CLVS1: variants seen among roughly 807,000 people sequenced by gnomAD.
CLVS1 encodes clavesin-1.
In CLVS1, 10 loss-of-function variants were observed where a neutral mutation model predicts 33.1. The observed-to-expected ratio is 0.30, with a 90% CI of 0.19 to 0.51. The LOEUF (loss-of-function observed/expected upper bound fraction) is 0.51, where lower values mean the gene tolerates loss of function less well. Ranked by LOEUF, CLVS1 falls within the 20% of genes least tolerant of loss-of-function variation. The pLI is 0.97. For synonymous variants in CLVS1, 163 were observed against 166.1 expected (o/e 0.98, Z 0.14); for missense variants, 343 against 433.4 (o/e 0.79, Z 1.85).
intron 2 of CLVS1, among the ~76,000 whole-genome samples, chr8:61,329,776 T>C (rs1304916833): frequency 1.3e-5 from 2 of 152,210 alleles, no homozygotes; most frequent in Non-Finnish European, 2.9e-5. Context: ...TTTTAAATGT[T>C]CCTTTAAGTA....
At position 61,356,635 on chromosome 8, in the gene CLVS1, T is replaced by C. The variant is rs557778204; in HGVS notation, c.456-19970T>C. ...TCCAGTTTCAGCTTTCTACATATGGTTAGCCAGTTTTCCCAGCACCATTTA... is the reference window on the plus strand; with the variant it reads ...TCCAGTTTCAGCTTTCTACATATGGCTAGCCAGTTTTCCCAGCACCATTTA... On this transcript the variant is annotated intron_variant, in intron 2 of 5. Transcript: ENST00000325897. Among the ~76,000 whole-genome samples, 295 of 152,172 alleles carry C rather than the reference T, an allele frequency of 1.9e-3. 1 individual carries two copies. The highest frequency in any genetic ancestry group is 6.6e-3 in the African/African-American group (273 of 41,522).
At chr8:61,250,061 A>T (rs1306419846) in intron 2 of CLVS1, among the ~76,000 whole-genome samples, 1 of 152,144 alleles carries the variant, frequency 6.6e-6, no homozygotes, top group East Asian at 1.9e-4. Flanking sequence ...CTTACATTTA[A>T]GTCTTTAATC....
intron 2 of CLVS1, among the ~76,000 whole-genome samples, chr8:61,273,572 G>A (rs191351081): frequency 1.3e-5 from 2 of 152,204 alleles, no homozygotes; most frequent in Admixed American, 6.5e-5. Flanking sequence ...GGGCAATGGC[G>A]GGCGCCCCTC....
chr8:61,463,944 G>T (rs1343105625), intron 5 of CLVS1, among the ~76,000 whole-genome samples: 4 of 151,716 alleles, frequency 2.6e-5, no homozygotes, highest in African/African-American at 7.3e-5. Flanking sequence ...TTTGCGGTGG[G>T]TGCCTATAGT....
chr8:61,328,803 C>T (rs534280091), intron 2 of CLVS1, among the ~76,000 whole-genome samples: 168 of 152,222 alleles, frequency 1.1e-3, no homozygotes, highest in African/African-American at 3.8e-3. Flanking sequence ...TTATTAACTC[C>T]CCTCTATCCT....
chr8:61,184,492 G>T (rs1162241771), intron 2 of CLVS1, among the ~76,000 whole-genome samples: 1 of 152,174 alleles, frequency 6.6e-6, no homozygotes, highest in East Asian at 1.9e-4. Context: ...ACTTCAATTC[G>T]TTTTATGTGG....
chr8:61,477,475 A>T (rs1357224885), intron 5 of CLVS1, among the ~76,000 whole-genome samples: 1 of 152,174 alleles, frequency 6.6e-6, no homozygotes, highest in African/African-American at 2.4e-5. Context: ...CTCAATTCAG[A>T]GCCTGTTATT....
chr8:61,179,453 G>C (rs1807188255), intron 2 of CLVS1, among the ~76,000 whole-genome samples: 1 of 152,106 alleles, frequency 6.6e-6, no homozygotes, highest in East Asian at 1.9e-4. Context: ...AGTTAACAAG[G>C]ATATTCAGGA....
At chr8:61,036,805 T>G in the CLVS1 span, among the ~76,000 whole-genome samples, 182 of 152,354 alleles carry the variant, frequency 1.2e-3, 2 homozygotes, top group African/African-American at 4.2e-3. Context: ...CTTTTTAATC[T>G]TTGGGAGTGA....
intron 1 of CLVS1, among the ~76,000 whole-genome samples, chr8:61,289,202 C>T (rs1300677110): frequency 1.3e-5 from 2 of 152,222 alleles, no homozygotes; most frequent in Non-Finnish European, 2.9e-5. Flanking sequence ...CAGGTGATAA[C>T]ACCATTTTCC....
chr8:61,067,008 G>T (rs1323916782), intron 1 of CLVS1, among the ~76,000 whole-genome samples: 1 of 152,008 alleles, frequency 6.6e-6, no homozygotes, highest in African/African-American at 2.4e-5. Context: ...GCACAGTCCT[G>T]AGTCAGGAGC....
chr8:61,101,971 T>C (rs950087397), intron 1 of CLVS1, among the ~76,000 whole-genome samples: 6 of 152,186 alleles, frequency 3.9e-5, no homozygotes, highest in African/African-American at 1.2e-4. Flanking sequence ...TGTACCACAG[T>C]ACCACACTGT....
rs80015738 is a variant in CLVS1, at chr8:61,337,214, A to G, written c.455+36932A>G. On this transcript the variant is annotated intron_variant, in intron 2 of 5. Transcript: ENST00000325897. ...TTTAAGGGCAGGTTCGGCCCTACCT[A>G]TGTTTTAGGGCAGTCCCAAGCAAGT... Among the ~76,000 whole-genome samples the G allele has an allele frequency of 0.011, 1,697 of 152,216 alleles. 97 individuals are homozygous for G. In the East Asian group the frequency reaches 0.18, roughly 16 times the overall value.
intron 2 of CLVS1, among the ~76,000 whole-genome samples, chr8:61,311,729 A>G (rs907292302): frequency 1.3e-5 from 2 of 152,212 alleles, no homozygotes; most frequent in Non-Finnish European, 2.9e-5. Flanking sequence ...TTAAAAAGAC[A>G]TAACATTCAT....
chr8:61,285,928 G>C (rs1809767283), upstream of CLVS1, among the ~76,000 whole-genome samples: 1 of 150,326 alleles, frequency 6.7e-6, no homozygotes. Context: ...GAATATTCTA[G>C]TTAACTGGAT....
In CLVS1 at chr8:61,458,356, C is replaced by G; in HGVS notation, c.791C>G (p.Pro264Arg). ...AACAGCCTTCACCAGCTAATACACC[C>G]TGAATTTTTGCCCTCTGAATTTGGA... Reference protein sequence around the residue: ...NLNSLHQLIHPEFLPSEFGGT... With the variant: ...NLNSLHQLIHREFLPSEFGGT... The change falls in exon 5 of 6, where the codon CCT becomes CGT. Residue 264 changes from proline to arginine, a missense_variant. Transcript: ENST00000325897. The G allele has an allele frequency of 6.2e-7, 1 of 1,614,124 alleles. No homozygotes were observed. The highest frequency in any genetic ancestry group is 8.5e-7 in the Non-Finnish European group (1 of 1,179,994).
chr8:61,298,497 T>C (rs1810301690), intron 1 of CLVS1, among the ~76,000 whole-genome samples: 1 of 152,294 alleles, frequency 6.6e-6, no homozygotes. Context: ...TGTGAGATGA[T>C]TGTCTCTCTT....
chr8:61,393,270 T>C (rs962379503), intron 3 of CLVS1, among the ~76,000 whole-genome samples: 5 of 152,184 alleles, frequency 3.3e-5, no homozygotes, highest in Non-Finnish European at 5.9e-5. Context: ...TTTTCTTTAT[T>C]ATATATATTT....
chr8:61,250,122 C>T (rs781662461), intron 2 of CLVS1, among the ~76,000 whole-genome samples: 2 of 151,872 alleles, frequency 1.3e-5, no homozygotes, highest in South Asian at 2.1e-4. Flanking sequence ...GTCCAGTTTC[C>T]GTTTTCTGCA....
Sources: gnomAD v4.1 joint callset for allele counts (sites outside exome capture counted in the v4.1 genomes callset) on GRCh38, gnomAD v4.1.1 for gene constraint, MANE v1.5 for transcripts, NCBI Gene and HGNC (gene_info 2026-07-23, HGNC 2026-07-21) for gene names.